SRGAP2B: variants seen among roughly 807,000 people sequenced by gnomAD.
SRGAP2B encodes the protein SLIT-ROBO Rho GTPase activating protein 2B, also known as SLIT-ROBO Rho GTPase-activating protein 2B.
A neutral mutation model predicts 22.2 loss-of-function variants in SRGAP2B; 9 were observed. The ratio of observed to expected loss-of-function variants is 0.41; its 90% CI spans 0.24 to 0.71. The LOEUF is 0.71. Ranked by LOEUF, SRGAP2B falls within the 30% of genes least tolerant of loss-of-function variation. The pLI, the probability that SRGAP2B is intolerant of heterozygous loss-of-function variation, is 0.35. For missense variants in SRGAP2B, 114 were observed against 235.8 expected, an observed-to-expected ratio of 0.48 and a Z score of 3.38; for synonymous variants, 36 against 87.4, an observed-to-expected ratio of 0.41 and a Z score of 3.28.
Position 144,984,365 on chromosome 1 carries a change from C to CAAAAAA in SRGAP2B, c.260+10637_260+10642dup, listed in dbSNP as rs57268593. Among the ~76,000 whole-genome samples the CAAAAAA allele has an allele frequency of 2.0e-3, 254 of 126,330 alleles. 3 individuals are homozygous for CAAAAAA. Among genetic ancestry groups the CAAAAAA allele is most frequent in the Non-Finnish European group, 3.3e-3 (203 of 61,330 alleles). 82.9% of individuals were successfully genotyped at this position (126,330 alleles called of 152,430 possible). On this transcript the variant is annotated intron_variant, in intron 3 of 9. Transcript: ENST00000612199. ...ACAACAACAACAACAACAACAACAACAAAAAAAAAAAAACAAAAAAGCCCC... is the reference window on the plus strand; with the variant it reads ...ACAACAACAACAACAACAACAACAACAAAAAAAAAAAAAAAAAAACAAAAAAGCCCC...
intron 5 of SRGAP2B, among the ~76,000 whole-genome samples, chr1:144,913,229 AC>A (rs1663544891): frequency 7.3e-6 from 1 of 137,832 alleles, no homozygotes; most frequent in African/African-American, 2.9e-5. Flanking sequence ...GGTTATCCAA[AC>A]TACTCCTCCC....
intron 3 of SRGAP2B, among the ~76,000 whole-genome samples, chr1:144,985,820 A>G (rs1485216863): frequency 2.7e-5 from 4 of 148,090 alleles, no homozygotes; most frequent in African/African-American, 1.0e-4. Flanking sequence ...ATAGGGTCAA[A>G]TAATCGCTAC....
chr1:144,976,594 A>G (rs1553614248), intron 3 of SRGAP2B, among the ~76,000 whole-genome samples: 1 of 146,336 alleles, frequency 6.8e-6, no homozygotes, highest in Non-Finnish European at 1.5e-5. Context: ...TCAACTCCAC[A>G]GTAAAGGCAA....
chr1:145,058,021 C>T (rs7537864), intron 2 of SRGAP2B, among the ~76,000 whole-genome samples: 10 of 143,788 alleles, frequency 7.0e-5, no homozygotes, highest in African/African-American at 2.4e-4. Flanking sequence ...TCAATTTACT[C>T]CCAAGGAATG....
At chr1:144,984,365 CAAAAAAAA>C (rs57268593) in intron 3 of SRGAP2B, among the ~76,000 whole-genome samples, 23 of 126,426 alleles carry the variant, frequency 1.8e-4, no homozygotes, top group Middle Eastern at 4.3e-3. Context: ...ACAACAACAA[CAAAAAAAA>C]AAAAACAAAA....
At chr1:145,076,571 A>T (rs2102460022) in intron 2 of SRGAP2B, among the ~76,000 whole-genome samples, 1 of 148,920 alleles carries the variant, frequency 6.7e-6, no homozygotes, top group African/African-American at 2.6e-5. Context: ...GCTACATGCT[A>T]ATGGTTCCGT....
intron 2 of SRGAP2B, among the ~76,000 whole-genome samples, chr1:145,068,892 AAT>A (rs1651802668): frequency 8.7e-6 from 1 of 115,158 alleles, no homozygotes; most frequent in African/African-American, 3.9e-5. Flanking sequence ...AATAAGGTAA[AAT>A]GTGTGTGTGT....
chr1:144,948,961 G>C lies in SRGAP2B; in HGVS notation c.423+6478C>G, dbSNP rs1553608905. ...AGGCATTACTCAGCCTATCACAAAAGCTTTATGAATATTCAGGTGCAAGTC... is the reference window on the plus strand; with the variant it reads ...AGGCATTACTCAGCCTATCACAAAACCTTTATGAATATTCAGGTGCAAGTC... On this transcript the variant is annotated intron_variant, in intron 4 of 9. Coordinates refer to ENST00000612199, the Ensembl canonical transcript of SRGAP2B. Among the ~76,000 whole-genome samples the C allele has an allele frequency of 3.3e-5, 3 of 91,960 alleles. No individual in the cohort carries two copies. In the Admixed American group the frequency reaches 3.4e-4, roughly 11 times the overall value. 60.3% of individuals were successfully genotyped at this position (91,960 alleles called of 152,430 possible). A position where few individuals can be genotyped will look rare whatever the true frequency, so the allele number is the denominator to read the frequency against.
At chr1:144,915,534 TG>T (rs1663806721) in intron 4 of SRGAP2B, among the ~76,000 whole-genome samples, 1 of 150,052 alleles carries the variant, frequency 6.7e-6, no homozygotes, top group Non-Finnish European at 1.5e-5. Flanking sequence ...GAGACCAGCA[TG>T]GCCAACATAG....
intron 2 of SRGAP2B, among the ~76,000 whole-genome samples, chr1:145,082,161 A>T (rs1191270431): frequency 1.3e-5 from 2 of 148,816 alleles, no homozygotes; most frequent in African/African-American, 5.2e-5. Context: ...ACATGCCCCA[A>T]CTGTTTTTCC....
intron 4 of SRGAP2B, among the ~76,000 whole-genome samples, chr1:144,948,947 A>G (rs1227255433): frequency 2.7e-5 from 3 of 109,698 alleles, no homozygotes; most frequent in African/African-American, 1.2e-4. Context: ...GGCATTACTC[A>G]GCCTATCACA....
At chr1:144,991,037 G>A (rs1463416440) in intron 3 of SRGAP2B, among the ~76,000 whole-genome samples, 5 of 150,816 alleles carry the variant, frequency 3.3e-5, no homozygotes, top group East Asian at 3.9e-4. Context: ...GAATGCGAGC[G>A]CACAGCGCAG....
chr1:144,924,642 G>A (rs1664516867), intron 4 of SRGAP2B, among the ~76,000 whole-genome samples: 1 of 151,164 alleles, frequency 6.6e-6, no homozygotes, highest in Non-Finnish European at 1.5e-5. Flanking sequence ...TGAGGCAGGA[G>A]AATGGCGTGA....
intron 3 of SRGAP2B, chr1:144,964,888 C>T (rs1251851309): frequency 1.3e-5 from 8 of 620,948 alleles, no homozygotes; most frequent in African/African-American, 3.8e-5. Flanking sequence ...CTGTAAATGA[C>T]CAGCCTGGGT....
intron 3 of SRGAP2B, among the ~76,000 whole-genome samples, chr1:144,990,850 T>C (rs1316155023): frequency 2.0e-5 from 3 of 151,416 alleles, no homozygotes; most frequent in Non-Finnish European, 4.4e-5. Flanking sequence ...ATCGGCGCTG[T>C]GCTCGATTTC....
intron 2 of SRGAP2B, among the ~76,000 whole-genome samples, chr1:145,041,548 A>G (rs1649258422): frequency 1.5e-5 from 2 of 129,382 alleles, no homozygotes; most frequent in Non-Finnish European, 1.6e-5. Context: ...AGTCCCTGCT[A>G]CTTAACAGGC....
intron 2 of SRGAP2B, among the ~76,000 whole-genome samples, chr1:144,998,704 T>G (rs1670888674): frequency 6.6e-6 from 1 of 151,060 alleles, no homozygotes; most frequent in South Asian, 2.1e-4. Flanking sequence ...CTTGTTACCA[T>G]CTTCAAAGAA....
chr1:144,955,564 T>G, exon 4 of SRGAP2B: 1 of 922,632 alleles, frequency 1.1e-6, no homozygotes, highest in African/African-American at 1.9e-5. Context: ...AAGAGGAGAT[T>G]CCAGCAGTTG....
chr1:144,971,175 G>T (rs1668487749), intron 3 of SRGAP2B, among the ~76,000 whole-genome samples: 1 of 147,476 alleles, frequency 6.8e-6, no homozygotes, highest in Non-Finnish European at 1.5e-5. Context: ...TTGTTGTCCA[G>T]GCTAGAGTGC....
Sources: gnomAD v4.1 joint callset for allele counts (sites outside exome capture counted in the v4.1 genomes callset) on GRCh38, gnomAD v4.1.1 for gene constraint, MANE v1.5 for transcripts, NCBI Gene and HGNC (gene_info 2026-07-23, HGNC 2026-07-21) for gene names.